Variants in HARS1 observed in about 807,000 individuals in gnomAD.
The protein encoded by HARS1 is histidine--tRNA ligase, cytoplasmic.
Under a neutral mutation model 63.6 loss-of-function variants are expected in HARS1, and 45 were observed. The ratio of observed to expected loss-of-function variants is 0.71; its 90% CI spans 0.56 to 0.91. The LOEUF is 0.91. Among genes scored for constraint, HARS1 ranks in the 40% least tolerant of loss-of-function variants. The pLI, the probability that HARS1 is intolerant of heterozygous loss-of-function variation, is 0.00. For missense variants in HARS1, 508 were observed against 643.2 expected (o/e 0.79, Z 2.27); for synonymous variants, 205 against 247.1 (o/e 0.83, Z 1.60).
At position 140,676,646 on chromosome 5, in the gene HARS1, G is replaced by A; in HGVS notation, c.1194+8C>T. On this transcript the variant is annotated splice_region_variant and intron_variant, in intron 10 of 12. Transcript: ENST00000504156. The surrounding 1 kb of genome is among the most constrained non-coding windows in gnomAD (Gnocchi z 4.1). ...CAGACTATCTTCTACCTACCTCCTAGGACCTACCTCTAGTCTCTGTTCCAC... is the reference window on the plus strand; with the variant it reads ...CAGACTATCTTCTACCTACCTCCTAAGACCTACCTCTAGTCTCTGTTCCAC... 2 of 1,613,680 alleles carry A rather than the reference G, an allele frequency of 1.2e-6. No individual in the cohort carries two copies. The highest frequency in any genetic ancestry group is 1.7e-6 in the Non-Finnish European group (2 of 1,179,702).
At chr5:140,686,607 T>G (rs1439369397) in intron 2 of HARS1, among the ~76,000 whole-genome samples, 1 of 151,564 alleles carries the variant, frequency 6.6e-6, no homozygotes, top group East Asian at 1.9e-4. Context: ...AAAATTCTTT[T>G]TTTTTTTTTT....
chr5:140,679,165 ACTGT>A lies in HARS1; in HGVS notation c.397-42_397-39del. The A allele has an allele frequency of 6.2e-7, 1 of 1,609,446 alleles. No homozygotes were observed. On this transcript the variant is annotated intron_variant, in intron 4 of 12. Transcript: ENST00000504156. This position sits in a 1 kb window ranked among gnomAD's most constrained non-coding sequence, Gnocchi z 4.3. ...AGTTAAGGAGAAAGCCCCTCCTATC[ACTGT>A]CTGCAAGTTGATTATCATCACCAAC...
intron 2 of HARS1, among the ~76,000 whole-genome samples, chr5:140,690,475 G>T (rs1759330961): frequency 1.3e-5 from 2 of 152,012 alleles, no homozygotes; most frequent in East Asian, 3.9e-4. Context: ...AATCTGTGTG[G>T]GATTATTTGT....
In HARS1 at chr5:140,683,220, C is replaced by T; in HGVS notation, c.181-1G>A. 6.2e-7 allele frequency: 1 copy of T among 1,612,902 alleles called. No homozygotes were observed. The highest frequency in any genetic ancestry group is 1.3e-5 in the African/African-American group (1 of 74,986). On this transcript the variant is annotated splice_acceptor_variant, in intron 2 of 12. Coordinates refer to ENST00000504156, the MANE Select transcript of HARS1 (RefSeq NM_002109.6). LOFTEE classifies it high-confidence loss of function. ...GCCGGGGACTATAGTCTCTTGTGCC[C>T]TTGGAGTTGAAATCAGCCAGAGAAC...
intron 2 of HARS1, 150 bp from the exon 3 acceptor site, chr5:140,683,369 G>T: frequency 2.1e-6 from 2 of 948,420 alleles, no homozygotes; most frequent in Non-Finnish European, 3.0e-6. Flanking sequence ...TTTAAAACAA[G>T]TACAAATAAT....
At chr5:140,678,906 C>T in intron 5 of HARS1, 96 bp downstream of exon 5, 1 of 1,256,640 alleles carries the variant, frequency 8.0e-7, no homozygotes. Flanking sequence ...TCTGGGTCAT[C>T]CAATTTGCTC....
Position 140,679,403 on chromosome 5 carries a change from A to C in HARS1, c.397-276T>G. On this transcript the variant is annotated intron_variant, in intron 4 of 12. Coordinates refer to ENST00000504156, the MANE Select transcript of HARS1 (RefSeq NM_002109.6). The surrounding 1 kb of genome is among the most constrained non-coding windows in gnomAD (Gnocchi z 4.3). The stretch of plus-strand genomic sequence containing the variant: ...GGGCAGGTTGGCCACAGACCAGAAA[A>C]AGGCGACCAGAAAAAGGCCCCCATA... 1 of 412,620 alleles carries C rather than the reference A, an allele frequency of 2.4e-6. No homozygotes were observed. The highest frequency in any genetic ancestry group is 4.3e-6 in the Non-Finnish European group (1 of 231,568). The allele number at this position is 412,620 out of a possible 1,614,324, so 25.6% of individuals were successfully genotyped here. A position where few individuals can be genotyped will look rare whatever the true frequency, so the allele number is the denominator to read the frequency against.
chr5:140,684,902 G>A (rs986604288), intron 2 of HARS1: 5 of 152,208 alleles, frequency 3.3e-5, no homozygotes, highest in African/African-American at 7.2e-5. Context: ...GAGTGGCACT[G>A]ATTTACATCT....
Position 140,679,154 on chromosome 5 carries a change from C to T in HARS1, c.397-27G>A. 6.2e-7 allele frequency: 1 copy of T among 1,611,872 alleles called. No individual in the cohort carries two copies. Among genetic ancestry groups the T allele is most frequent in the Non-Finnish European group, 8.5e-7 (1 of 1,178,422 alleles). On this transcript the variant is annotated intron_variant, in intron 4 of 12. Coordinates refer to ENST00000504156, the MANE Select transcript of HARS1 (RefSeq NM_002109.6). The surrounding 1 kb of genome is among the most constrained non-coding windows in gnomAD (Gnocchi z 4.3). ...TGATGACAAAGAGTTAAGGAGAAAG[C>T]CCCTCCTATCACTGTCTGCAAGTTG...
chr5:140,674,727 T>C lies in HARS1; in HGVS notation c.1410A>G (p.Glu470=), dbSNP rs764911936. ...GGAGCTTGATGACCCCATCCTTGAG[T>C]TCCTGCTCGCCGATGATAGCCACCA... ...IPLVAIIGEQ[E]LKDGVIKLRS... is the part of the protein sequence containing the mutation. Residue 470 remains glutamate, a synonymous_variant, in exon 12 of 13, where the codon GAA becomes GAG. Coordinates refer to ENST00000504156, the MANE Select transcript of HARS1 (RefSeq NM_002109.6). The C allele has an allele frequency of 1.2e-6, 2 of 1,614,168 alleles. No homozygotes were observed. The highest frequency in any genetic ancestry group is 3.3e-5 in the Admixed American group (2 of 60,026).
rs1339284699 is a variant in HARS1, at chr5:140,679,144, A to G, written c.397-17T>C. On this transcript the variant is annotated splice_polypyrimidine_tract_variant and intron_variant, in intron 4 of 12. Coordinates refer to ENST00000504156, the MANE Select transcript of HARS1 (RefSeq NM_002109.6). This position sits in a 1 kb window ranked among gnomAD's most constrained non-coding sequence, Gnocchi z 4.3. Reference sequence around the variant, plus strand: ...AAAAGGAACCTGATGACAAAGAGTTAAGGAGAAAGCCCCTCCTATCACTGT... The same window carrying G: ...AAAAGGAACCTGATGACAAAGAGTTGAGGAGAAAGCCCCTCCTATCACTGT... 1 of 1,613,484 alleles carries G rather than the reference A, an allele frequency of 6.2e-7. No individual in the cohort carries two copies. The highest frequency in any genetic ancestry group is 1.7e-5 in the Admixed American group (1 of 59,982).
rs754286457 is a variant in HARS1, at chr5:140,691,338, A to C, written c.-34T>G. ...TCCACTTGAGCCGCCTGCTGTCTCG[A>C]CCTGCGGTGGTTGCCCCAGCCTCAG... On this transcript the variant is annotated 5_prime_UTR_variant, in exon 1 of 13. Transcript: ENST00000504156. 8 of 1,532,758 alleles carry C rather than the reference A, an allele frequency of 5.2e-6. No homozygotes were observed. Among genetic ancestry groups the C allele is most frequent in the Non-Finnish European group, 7.1e-6 (8 of 1,126,316 alleles). The allele number at this position is 1,532,758 out of a possible 1,614,324, so 94.9% of individuals were successfully genotyped here. A position where few individuals can be genotyped will look rare whatever the true frequency, so the allele number is the denominator to read the frequency against.
chr5:140,677,234 C>T, intron 8 of HARS1, 93 bp downstream of exon 8: 1 of 1,367,808 alleles, frequency 7.3e-7, no homozygotes, highest in South Asian at 1.2e-5. Context: ...CATAGACACA[C>T]TCACTCCCCT....
At chr5:140,680,618 T>C (rs1178390279) in intron 3 of HARS1, among the ~76,000 whole-genome samples, 1 of 151,888 alleles carries the variant, frequency 6.6e-6, no homozygotes, top group African/African-American at 2.4e-5. Flanking sequence ...CCAAGGCGGA[T>C]GGATCACCTG....
At chr5:140,683,729 AG>A (rs1273112071) in intron 2 of HARS1, 1 of 155,566 alleles carries the variant, frequency 6.4e-6, no homozygotes, top group African/African-American at 2.4e-5. Context: ...GCTACTTGGG[AG>A]GCTGATGCAT....
intron 2 of HARS1, among the ~76,000 whole-genome samples, chr5:140,689,436 TTTTA>T (rs1400978391): frequency 6.9e-6 from 1 of 144,304 alleles, no homozygotes; most frequent in Non-Finnish European, 1.5e-5. Flanking sequence ...TATTTGAAAT[TTTTA>T]TTGTTAGATT....
intron 6 of HARS1, 46 bp downstream of exon 6, chr5:140,677,862 G>T: frequency 7.0e-7 from 1 of 1,434,568 alleles, no homozygotes; most frequent in Non-Finnish European, 9.8e-7. Context: ...CTTCTCTTGT[G>T]AGAGGCCAGG....
intron 2 of HARS1, among the ~76,000 whole-genome samples, chr5:140,686,733 T>C (rs1028670763): frequency 2.6e-5 from 4 of 151,812 alleles, no homozygotes; most frequent in African/African-American, 9.7e-5. Context: ...CCCTAGTAGC[T>C]GGCATTACAA....
rs751272874 is a variant in HARS1, at chr5:140,676,764, G to A, written c.1084C>T (p.Arg362Cys). ...AACATGCCCACTAGCCCATCATAGCGTCCTCCAGCAGCCACACTGCCCACA... is the reference window on the plus strand; with the variant it reads ...AACATGCCCACTAGCCCATCATAGCATCCTCCAGCAGCCACACTGCCCACA... The part of the protein sequence containing the change: ...LGVGSVAAGG[R>C]YDGLVGMFDP... The change falls in exon 10 of 13, where the codon CGC becomes TGC. Residue 362 changes from arginine (R) to cysteine (C), a missense_variant. Physicochemically the swap from Arg to Cys is radical, Grantham distance 180 (BLOSUM62 -3). Around this residue, in one of 2 missense-constraint regions of HARS1, gnomAD observed 403 missense variants for 548.7 expected, o/e 0.73. Coordinates refer to ENST00000504156, the MANE Select transcript of HARS1 (RefSeq NM_002109.6). This position sits in a 1 kb window ranked among gnomAD's most constrained non-coding sequence, Gnocchi z 4.1. 1.6e-5 allele frequency: 26 copies of A among 1,614,202 alleles called. No individual in the cohort carries two copies. Among genetic ancestry groups the A allele is most frequent in the South Asian group, 4.4e-5 (4 of 91,084 alleles).
Sources: allele counts gnomAD v4.1 joint callset (sites outside exome capture counted in the v4.1 genomes callset), GRCh38; gene constraint gnomAD v4.1.1; regional missense constraint gnomAD v4.1.1; non-coding constraint Gnocchi (gnomAD v3.1); transcripts MANE v1.5; gene names NCBI Gene and HGNC (gene_info 2026-07-23, HGNC 2026-07-21).